The following RRBP1 variants were observed in gnomAD, a reference collection of about 807,000 sequenced individuals.
The protein encoded by RRBP1 is ribosome binding protein 1, also known as ribosome-binding protein 1.
Under a neutral mutation model 165.2 loss-of-function variants are expected in RRBP1, and 94 were observed. The observed-to-expected ratio is 0.57, with a 90% confidence interval of 0.48 to 0.68. The LOEUF (loss-of-function observed/expected upper bound fraction) is 0.68. RRBP1 is among the 30% of genes least tolerant of loss of function. RRBP1 has a pLI of 0.00. For missense variants in RRBP1, 1,676 were observed against 1,763.0 expected (o/e 0.95, Z 0.88); for synonymous variants, 680 against 714.5 (o/e 0.95, Z 0.77).
intron 3 of RRBP1, among the ~76,000 whole-genome samples, chr20:17,654,758 G>C (rs1032024753): frequency 3.9e-5 from 6 of 152,092 alleles, no homozygotes; most frequent in Non-Finnish European, 7.4e-5. Flanking sequence ...GTCCACTGTG[G>C]CTCTCGGGTC....
At chr20:17,634,028 C>A (rs898316736) in intron 7 of RRBP1, among the ~76,000 whole-genome samples, 1 of 152,224 alleles carries the variant, frequency 6.6e-6, no homozygotes. Flanking sequence ...GGACCAGGGC[C>A]AGGCTGGGGA....
At chr20:17,677,753 C>G (rs1019911361) in intron 2 of RRBP1, among the ~76,000 whole-genome samples, 1 of 152,074 alleles carries the variant, frequency 6.6e-6, no homozygotes, top group African/African-American at 2.4e-5. Context: ...GCAGAAGAAT[C>G]ACTTGAACCC....
At chr20:17,662,584 C>T (rs768618527) in intron 2 of RRBP1, among the ~76,000 whole-genome samples, 2 of 152,102 alleles carry the variant, frequency 1.3e-5, no homozygotes, top group Non-Finnish European at 2.9e-5. Context: ...GACCTCTGGC[C>T]GTGGGCAGTG....
chr20:17,659,677 G>C lies in RRBP1; in HGVS notation c.831C>G (p.Asn277Lys). The change falls in exon 3 of 25, where the codon AAC becomes AAG. Residue 277 changes from asparagine to lysine, a missense_variant. Transcript: ENST00000377813. ...GGGCCCCCTCCACCTTTTTCCCCTG[G>C]TTTGGGGTTGTATCTACCTTTTTAC... ...NQGKKVDTTP[N>K]QGKKVEGAPT... 6.5e-7 allele frequency: 1 copy of C among 1,549,162 alleles called. No homozygotes were observed. The highest frequency in any genetic ancestry group is 1.4e-5 in the African/African-American group (1 of 72,584).
intron 3 of RRBP1, among the ~76,000 whole-genome samples, chr20:17,647,767 G>C (rs538341594): frequency 6.6e-6 from 1 of 152,328 alleles, no homozygotes; most frequent in South Asian, 2.1e-4. Flanking sequence ...AGATTGTCCA[G>C]ATCAGTTCTG....
chr20:17,614,878 C>T lies in RRBP1; in HGVS notation c.4053G>A (p.Glu1351=), dbSNP rs757893235. 6.8e-6 allele frequency: 11 copies of T among 1,612,868 alleles called. No individual in the cohort carries two copies. The highest frequency in any genetic ancestry group is 1.6e-4 in the Middle Eastern group (1 of 6,082). Reference sequence around the variant, plus strand: ...TTAACTTCTTCTCTTTTTCTAGTCTCTCCTGATGGTCAGAAGGTTGACGGG... The same window carrying T: ...TTAACTTCTTCTCTTTTTCTAGTCTTTCCTGATGGTCAGAAGGTTGACGGG... ...SETEEASQLK[E]RLEKEKKLTS... Residue 1351 remains glutamate (E), a splice_region_variant and synonymous_variant, in exon 24 of 25, where the codon GAG becomes GAA. Coordinates refer to ENST00000377813, the MANE Select transcript of RRBP1 (RefSeq NM_001365613.2).
At chr20:17,639,796 G>A (rs941399303) in intron 5 of RRBP1, among the ~76,000 whole-genome samples, 24 of 150,970 alleles carry the variant, frequency 1.6e-4, no homozygotes, top group African/African-American at 5.8e-4. Flanking sequence ...GGGAGGCTGA[G>A]ACAGGAGAAT....
At chr20:17,640,775 C>T (rs1330861669) in intron 5 of RRBP1, among the ~76,000 whole-genome samples, 2 of 152,202 alleles carry the variant, frequency 1.3e-5, no homozygotes. Flanking sequence ...TCCTGCCCAT[C>T]CCCCACCCAG....
chr20:17,658,679 G>C lies in RRBP1; in HGVS notation c.1829C>G (p.Thr610Arg), dbSNP rs930489702. The change falls in exon 3 of 25, where the codon ACA becomes AGA. Residue 610 changes from threonine (T) to arginine (R), a missense_variant. Coordinates refer to ENST00000377813, the MANE Select transcript of RRBP1 (RefSeq NM_001365613.2). Reference protein sequence around the residue: ...TESASVQGRNTDVAQSPEAPK... With the variant: ...TESASVQGRNRDVAQSPEAPK... ...TGCCTCTGGGCTCTGGGCCACATCT[G>C]TATTTCTGCCCTGGACAGAAGCTGA... 1 of 1,614,212 alleles carries C rather than the reference G, an allele frequency of 6.2e-7. No individual in the cohort carries two copies. Among genetic ancestry groups the C allele is most frequent in the Non-Finnish European group, 8.5e-7 (1 of 1,180,038 alleles).
In RRBP1 at chr20:17,680,001, G is replaced by A. The variant is rs2037149749; in HGVS notation, c.-24C>T. On this transcript the variant is annotated splice_region_variant and 5_prime_UTR_variant, in exon 2 of 25. Coordinates refer to ENST00000377813, the MANE Select transcript of RRBP1 (RefSeq NM_001365613.2). ...TGTAAAAGGAAAACTTCACCTACTA[G>A]GAGGTCTGCCCCGGCCTTTGCTTCA... 6.6e-6 allele frequency: 1 copy of A among 152,256 alleles called. No individual in the cohort carries two copies. Among genetic ancestry groups the A allele is most frequent in the Non-Finnish European group, 1.5e-5 (1 of 68,076 alleles). The allele number at this position is 152,256 out of a possible 1,614,324, so 9.4% of individuals were successfully genotyped here.
intron 2 of RRBP1, among the ~76,000 whole-genome samples, chr20:17,666,558 ATTCT>A (rs768792493): frequency 2.4e-4 from 37 of 152,172 alleles, no homozygotes; most frequent in African/African-American, 3.9e-4. Flanking sequence ...GAGTTTGTAG[ATTCT>A]TTCTGATTTT....
At chr20:17,681,864 C>G (rs2037198048) in intron 1 of RRBP1, among the ~76,000 whole-genome samples, 164 bp downstream of exon 1, 1 of 148,970 alleles carries the variant, frequency 6.7e-6, no homozygotes, top group African/African-American at 2.4e-5. Context: ...AGTCCGACCC[C>G]GACCCCGATG....
intron 2 of RRBP1, among the ~76,000 whole-genome samples, chr20:17,674,690 C>A (rs1228053805): frequency 6.6e-6 from 1 of 152,000 alleles, no homozygotes; most frequent in African/African-American, 2.4e-5. Flanking sequence ...AACCTGAGGG[C>A]AGAGCTTGCA....
intron 7 of RRBP1, 135 bp downstream of exon 7, chr20:17,635,411 G>C (rs1375681693): frequency 1.1e-5 from 7 of 649,140 alleles, no homozygotes; most frequent in Non-Finnish European, 1.8e-5. Flanking sequence ...ACGGGAGATG[G>C]AAGGTCAGGA....
rs2036406517 is a variant in RRBP1 at position 17,643,516 on chromosome 20, TCACCATGGTTCTCC to T, written c.1913-403_1913-390del. ...TGGTCCTGTTCTCAACCTGCATGGC[TCACCATGGTTCTCC>T]CCACTGGCTGTGACTGAGCCCCGTG... On this transcript the variant is annotated intron_variant, in intron 3 of 24. Transcript: ENST00000377813. This position sits in a 1 kb window ranked among gnomAD's most constrained non-coding sequence, Gnocchi z 4.3. 6.6e-6 allele frequency among the ~76,000 whole-genome samples: 1 copy of T among 152,140 alleles called. No homozygotes were observed. Among genetic ancestry groups the T allele is most frequent in the East Asian group, 1.9e-4 (1 of 5,162 alleles).
chr20:17,625,934 T>G (rs553488975), intron 11 of RRBP1, among the ~76,000 whole-genome samples: 63 of 152,238 alleles, frequency 4.1e-4, no homozygotes, highest in African/African-American at 1.3e-3. Flanking sequence ...AGCTTTTCCC[T>G]GCATCATGTG....
rs751396336 is a variant in RRBP1 at position 17,658,760 on chromosome 20, G to A, written c.1748C>T (p.Ser583Phe). 3.7e-6 allele frequency: 6 copies of A among 1,612,410 alleles called. No individual in the cohort carries two copies. The African/African-American group carries it at 5.3e-5, about 14-fold the overall frequency. The change falls in exon 3 of 25, where the codon TCC (serine) becomes TTC (phenylalanine). Residue 583 changes from serine (S) to phenylalanine (F), a missense_variant. By Grantham distance (155) the Ser-to-Phe change is radical. Transcript: ENST00000377813. Reference sequence around the variant, plus strand: ...GTCTGCCTTTTTGCCTTGGTTGGGGGACCCTTCTGCCTTTTTGCCTTCACT... The same window carrying A: ...GTCTGCCTTTTTGCCTTGGTTGGGGAACCCTTCTGCCTTTTTGCCTTCACT... ...SPSEGKKAEG[S>F]PNQGKKADAA... is the part of the protein sequence containing the mutation.
At chr20:17,635,162 G>A (rs1003841958) in intron 7 of RRBP1, among the ~76,000 whole-genome samples, 3 of 152,188 alleles carry the variant, frequency 2.0e-5, no homozygotes, top group Admixed American at 1.3e-4. Context: ...CTCCGGAGGG[G>A]AAGTGCACCC....
rs2036319742 is a variant in RRBP1, at chr20:17,639,922, G to GTAAACA, written c.2184+1869_2184+1874dup. Among the ~76,000 whole-genome samples, 2 of 149,910 alleles carry GTAAACA rather than the reference G, an allele frequency of 1.3e-5. 1 individual carries two copies. Among genetic ancestry groups the GTAAACA allele is most frequent in the South Asian group, 4.2e-4 (2 of 4,778 alleles). On this transcript the variant is annotated intron_variant, in intron 5 of 24. Transcript: ENST00000377813. Reference sequence around the variant, plus strand: ...AAAAAAAAAAAAAAAAAAGAATAAGGTAAACACATCGGCTCTGCTCAGGAC... The same window carrying GTAAACA: ...AAAAAAAAAAAAAAAAAAGAATAAGGTAAACATAAACACATCGGCTCTGCTCAGGAC...
Sources: gnomAD v4.1 joint callset for allele counts (sites outside exome capture counted in the v4.1 genomes callset) on GRCh38, gnomAD v4.1.1 for gene constraint, Gnocchi (gnomAD v3.1) non-coding constraint, MANE v1.5 for transcripts, NCBI Gene and HGNC (gene_info 2026-07-23, HGNC 2026-07-21) for gene names.